The following KCNN2 variants were observed in gnomAD, a reference collection of about 807,000 sequenced individuals.
KCNN2 encodes the protein potassium calcium-activated channel subfamily N member 2.
A neutral mutation model predicts 55.5 loss-of-function variants in KCNN2; 24 were observed. The ratio of observed to expected loss-of-function variants is 0.43; its 90% confidence interval spans 0.31 to 0.61. The LOEUF (loss-of-function observed/expected upper bound fraction) is 0.61. Among genes scored for constraint, KCNN2 ranks in the 20% least tolerant of loss-of-function variants. KCNN2 has a pLI of 0.08. For synonymous variants in KCNN2, 431 were observed against 336.1 expected (o/e 1.28, Z -3.09); for missense variants, 754 against 853.6 (o/e 0.88, Z 1.45).
intron 1 of KCNN2, among the ~76,000 whole-genome samples, chr5:114,181,957 T>G (rs1753249094): frequency 6.6e-6 from 1 of 152,050 alleles, no homozygotes; most frequent in Non-Finnish European, 1.5e-5. Context: ...GAGATTGCAG[T>G]GAGCAGAGAT....
intron 2 of KCNN2, among the ~76,000 whole-genome samples, chr5:114,329,024 A>G (rs543127016): frequency 6.6e-6 from 1 of 152,238 alleles, no homozygotes; most frequent in South Asian, 2.1e-4. Context: ...CCTTACATTG[A>G]ATGTTCCAAC....
At chr5:114,201,069 A>G (rs1019310480) in intron 1 of KCNN2, among the ~76,000 whole-genome samples, 18 of 151,760 alleles carry the variant, frequency 1.2e-4, no homozygotes, top group Admixed American at 1.2e-3. Flanking sequence ...AGGCTCCTGG[A>G]CAGCTGATGT....
At chr5:114,092,558 TG>T (rs1751167025) in intron 1 of KCNN2, among the ~76,000 whole-genome samples, 1 of 152,188 alleles carries the variant, frequency 6.6e-6, no homozygotes, top group African/African-American at 2.4e-5. Flanking sequence ...GTGGGGGCTC[TG>T]ACCCCACATT....
intron 1 of KCNN2, among the ~76,000 whole-genome samples, chr5:114,179,956 TC>T (rs1465731559): frequency 6.6e-6 from 1 of 152,206 alleles, no homozygotes; most frequent in African/African-American, 2.4e-5. Context: ...ATTTTATTAA[TC>T]CTAGATTTTT....
chr5:114,496,092 C>T lies in KCNN2; in HGVS notation c.2286C>T (p.His762=), dbSNP rs573113551. 1.1e-5 allele frequency: 18 copies of T among 1,614,034 alleles called. No individual in the cohort carries two copies. Among genetic ancestry groups the T allele is most frequent in the East Asian group, 4.5e-5 (2 of 44,852 alleles). The change falls in exon 8 of 8, where the codon CAC becomes CAT. Residue 762 remains histidine, a synonymous_variant. Coordinates refer to ENST00000673685, the MANE Select transcript of KCNN2 (RefSeq NM_021614.4). ...IEAQMESYDK[H]VTYNAERSRS... Reference sequence around the variant, plus strand: ...CTCAGATGGAGAGCTACGACAAGCACGTCACTTACAATGCTGAGCGGTCCC... The same window carrying T: ...CTCAGATGGAGAGCTACGACAAGCATGTCACTTACAATGCTGAGCGGTCCC...
chr5:114,293,230 TG>T (rs1755934428), intron 2 of KCNN2, among the ~76,000 whole-genome samples: 2 of 152,272 alleles, frequency 1.3e-5, no homozygotes, highest in South Asian at 4.1e-4. Flanking sequence ...AACACTATGT[TG>T]AATAGGAGTG....
At chr5:114,473,319 A>G (rs570971816) in intron 5 of KCNN2, 155 bp downstream of exon 5, 33 of 631,820 alleles carry the variant, frequency 5.2e-5, no homozygotes, top group African/African-American at 4.4e-4. Flanking sequence ...CATTTTGAGA[A>G]TAGACTATTT....
At chr5:114,132,064 C>T (rs1424077716) in intron 1 of KCNN2, among the ~76,000 whole-genome samples, 1 of 152,046 alleles carries the variant, frequency 6.6e-6, no homozygotes, top group African/African-American at 2.4e-5. Context: ...AAAAAATTTT[C>T]TCCCATTCTG....
chr5:114,085,248 T>A (rs1750990454), intron 1 of KCNN2, among the ~76,000 whole-genome samples: 1 of 151,990 alleles, frequency 6.6e-6, no homozygotes, highest in Non-Finnish European at 1.5e-5. Context: ...TATTGATTTC[T>A]ACAAAGCAGC....
At chr5:114,179,747 A>G (rs969885848) in intron 1 of KCNN2, among the ~76,000 whole-genome samples, 2 of 152,192 alleles carry the variant, frequency 1.3e-5, no homozygotes, top group African/African-American at 4.8e-5. Context: ...TAGAGCGTTT[A>G]AAACCTTAAA....
intron 1 of KCNN2, among the ~76,000 whole-genome samples, chr5:114,065,356 T>C (rs1750423912): frequency 6.6e-6 from 1 of 152,226 alleles, no homozygotes; most frequent in Non-Finnish European, 1.5e-5. Context: ...TATGTTGTTT[T>C]ACCCAAGTCC....
At chr5:114,303,553 C>T (rs933102524) in intron 2 of KCNN2, among the ~76,000 whole-genome samples, 1 of 152,186 alleles carries the variant, frequency 6.6e-6, no homozygotes, top group South Asian at 2.1e-4. Context: ...AGCTCGGAAC[C>T]ACTGATTCAC....
At chr5:114,056,070 G>T in exon 1 of KCNN2, 1 of 302,242 alleles carries the variant, frequency 3.3e-6, no homozygotes, top group Non-Finnish European at 6.0e-6. Context: ...GGAGTCCCCA[G>T]TCCCGGCGGG....
intron 3 of KCNN2, among the ~76,000 whole-genome samples, chr5:114,461,400 A>G (rs1730526867): frequency 6.6e-6 from 1 of 152,088 alleles, no homozygotes; most frequent in African/African-American, 2.4e-5. Flanking sequence ...TGCCACAGAA[A>G]CTTGCAGGAT....
intron 1 of KCNN2, among the ~76,000 whole-genome samples, chr5:114,095,997 A>G (rs1751247787): frequency 6.6e-6 from 1 of 152,132 alleles, no homozygotes; most frequent in East Asian, 1.9e-4. Context: ...CCTATAGAAA[A>G]TGCACCTATG....
rs1755388792 is a variant in KCNN2 at position 114,272,977 on chromosome 5, A to G, written c.-185+51412A>G. On this transcript the variant is annotated intron_variant, in intron 2 of 10. Coordinates refer to the KCNN2 transcript ENST00000512097. Reference sequence around the variant, plus strand: ...CGTGCCATGAGTGTTTGCTGCACCCAAAAACCTGTCACCTACATTAGGCAT... The same window carrying G: ...CGTGCCATGAGTGTTTGCTGCACCCGAAAACCTGTCACCTACATTAGGCAT... Among the ~76,000 whole-genome samples the G allele has an allele frequency of 2.0e-5, 3 of 152,172 alleles. No homozygotes were observed. The South Asian group carries it at 6.2e-4, about 32-fold the overall frequency.
At chr5:114,472,818 A>C (rs368339489) in intron 4 of KCNN2, among the ~76,000 whole-genome samples, 9 of 152,332 alleles carry the variant, frequency 5.9e-5, no homozygotes, top group Admixed American at 4.6e-4. Context: ...ATTTCTTAGA[A>C]TGGAAATGTT....
At chr5:114,329,426 T>A (rs4705501) in intron 2 of KCNN2, among the ~76,000 whole-genome samples, 2 of 152,076 alleles carry the variant, frequency 1.3e-5, no homozygotes, top group African/African-American at 4.8e-5. Flanking sequence ...GGTGGAAGGA[T>A]TTGACTTGCT....
intron 2 of KCNN2, among the ~76,000 whole-genome samples, chr5:114,311,120 C>T (rs769643703): frequency 2.0e-5 from 3 of 151,950 alleles, no homozygotes; most frequent in African/African-American, 4.8e-5. Context: ...TTTGTTTAAG[C>T]TGACCTTGCG....
Sources: allele counts gnomAD v4.1 joint callset (sites outside exome capture counted in the v4.1 genomes callset), GRCh38; gene constraint gnomAD v4.1.1; transcripts MANE v1.5; gene names NCBI Gene and HGNC (gene_info 2026-07-23, HGNC 2026-07-21).